Variants in UGP2 observed in about 807,000 individuals in gnomAD.
UGP2 encodes the protein UDP-glucose pyrophosphorylase 2, also known as UTP--glucose-1-phosphate uridylyltransferase.
UGP2 carries 40 observed loss-of-function variants against 49.0 expected under a neutral mutation model. That is an observed-to-expected ratio of 0.82 (90% CI 0.63 to 1.06). UGP2 has a LOEUF of 1.06. UGP2 is among the 50% of genes least tolerant of loss of function. The pLI is 0.00. For synonymous variants in UGP2, 225 were observed against 213.0 expected (o/e 1.06, Z -0.49); for missense variants, 460 against 603.5 (o/e 0.76, Z 2.49).
chr2:63,878,910 C>T (rs1671108022), intron 3 of UGP2, among the ~76,000 whole-genome samples: 1 of 151,414 alleles, frequency 6.6e-6, no homozygotes, highest in Non-Finnish European at 1.5e-5. Flanking sequence ...GCTGATTTAG[C>T]ATGAATACAT....
intron 3 of UGP2, among the ~76,000 whole-genome samples, chr2:63,859,693 T>A (rs575472347): frequency 6.6e-6 from 1 of 152,308 alleles, no homozygotes; most frequent in South Asian, 2.1e-4. Flanking sequence ...AAATATAAAA[T>A]AAATTCTAGA....
chr2:63,884,216 A>T (rs376822626), intron 5 of UGP2, 123 bp downstream of exon 5: 1 of 1,166,696 alleles, frequency 8.6e-7, no homozygotes, highest in Non-Finnish European at 1.2e-6. Flanking sequence ...CAAGTGTTTG[A>T]TGCCCATAAA....
chr2:63,886,360 A>G lies in UGP2; in HGVS notation c.893A>G (p.Tyr298Cys). The G allele has an allele frequency of 3.1e-6, 5 of 1,614,190 alleles. No individual in the cohort carries two copies. In the East Asian group the frequency reaches 6.7e-5, roughly 22 times the overall value. ...TTCTAGGGCGGGACACTCACTCAAT[A>G]TGAAGGCAAACTGAGACTGGTGGAA... ...ADVKGGTLTQYEGKLRLVEIA... is the reference protein window; with the variant it reads ...ADVKGGTLTQCEGKLRLVEIA... The change falls in exon 7 of 10, where the codon TAT becomes TGT. Residue 298 changes from tyrosine (Y) to cysteine (C), a missense_variant. By Grantham distance (194) the Tyr-to-Cys change is radical. Transcript: ENST00000337130.
At chr2:63,853,474 C>T (rs764639128) in intron 1 of UGP2, among the ~76,000 whole-genome samples, 1 of 152,040 alleles carries the variant, frequency 6.6e-6, no homozygotes, top group African/African-American at 2.4e-5. Flanking sequence ...AGATTAAGTG[C>T]GCTCTCCAAT....
intron 3 of UGP2, 25 bp from the exon 4 acceptor site, chr2:63,882,441 T>G (rs749767183): frequency 1.3e-6 from 2 of 1,522,982 alleles, no homozygotes; most frequent in Non-Finnish European, 1.8e-6. Context: ...TTTAAATTAC[T>G]CCTATAATGT....
In UGP2 at chr2:63,886,433, A is replaced by G; in HGVS notation, c.966A>G (p.Ser322=). The part of the protein sequence containing the change: ...KAHVDEFKSV[S]KFKIFNTNNL... ...ATGTAGACGAGTTCAAGTCTGTATC[A>G]AAGTTCAAAATATTTAATACAAACA... The change falls in exon 7 of 10, where the codon TCA becomes TCG. Residue 322 remains serine, a synonymous_variant. Coordinates refer to ENST00000337130, the MANE Select transcript of UGP2 (RefSeq NM_006759.4). 2 of 1,614,214 alleles carry G rather than the reference A, an allele frequency of 1.2e-6. No homozygotes were observed. The highest frequency in any genetic ancestry group is 1.1e-5 in the South Asian group (1 of 91,088).
intron 1 of UGP2, among the ~76,000 whole-genome samples, chr2:63,855,237 G>A (rs1669310274): frequency 6.6e-6 from 1 of 152,118 alleles, no homozygotes; most frequent in Non-Finnish European, 1.5e-5. Flanking sequence ...GAGTATATAA[G>A]GGGAAAGAGT....
Position 63,857,949 on chromosome 2 carries a change from TAAAATGTAGG to T in UGP2, c.255+24_255+33del. On this transcript the variant is annotated intron_variant, in intron 3 of 9. Transcript: ENST00000337130. ...CCCTGAAGATTCGGTAAGTTTTAGATAAAATGTAGGAAAATGTAGGGTAATCTTGGGCACT... is the reference window on the plus strand; with the variant it reads ...CCCTGAAGATTCGGTAAGTTTTAGATAAAATGTAGGGTAATCTTGGGCACT... 2 of 1,611,132 alleles carry T rather than the reference TAAAATGTAGG, an allele frequency of 1.2e-6. No individual in the cohort carries two copies. Among genetic ancestry groups the T allele is most frequent in the Non-Finnish European group, 8.5e-7 (1 of 1,178,158 alleles).
chr2:63,873,475 CATTTT>C (rs1195408344), intron 3 of UGP2, among the ~76,000 whole-genome samples: 2 of 152,048 alleles, frequency 1.3e-5, no homozygotes, highest in Non-Finnish European at 2.9e-5. Context: ...TGTAAGCAAA[CATTTT>C]GTTTTTTTGG....
chr2:63,887,713 G>T lies in UGP2; in HGVS notation c.1314+69G>T. 1.9e-6 allele frequency: 3 copies of T among 1,566,518 alleles called. No homozygotes were observed. The South Asian group carries it at 3.6e-5, about 19-fold the overall frequency. On this transcript the variant is annotated intron_variant, in intron 8 of 9. Transcript: ENST00000337130. Reference sequence around the variant, plus strand: ...GTAATTATAAAGATATGATATACATGTGAATTGGAGACTAATTACAGTCTC... The same window carrying T: ...GTAATTATAAAGATATGATATACATTTGAATTGGAGACTAATTACAGTCTC...
intron 5 of UGP2, 112 bp downstream of exon 5, chr2:63,884,205 A>G (rs757135049): frequency 1.5e-6 from 2 of 1,312,496 alleles, no homozygotes; most frequent in Non-Finnish European, 2.1e-6. Flanking sequence ...ATTGATGTTC[A>G]CAAGTGTTTG....
chr2:63,887,279 A>T (rs571717949), intron 7 of UGP2, 123 bp from the exon 8 acceptor site: 1,366 of 1,023,742 alleles, frequency 1.3e-3, no homozygotes, highest in East Asian at 5.6e-3. Context: ...AAAAAAAAAA[A>T]TTTTTTTTTT....
At chr2:63,842,363 T>C in intron 1 of UGP2, 159 bp downstream of exon 1, 1 of 1,601,890 alleles carries the variant, frequency 6.2e-7, no homozygotes, top group Non-Finnish European at 8.5e-7. Context: ...CTTGAGCTGC[T>C]GGGTTGACGT....
At chr2:63,842,581 G>A in intron 1 of UGP2, 3 of 1,485,996 alleles carry the variant, frequency 2.0e-6, no homozygotes, top group Non-Finnish European at 2.7e-6. Context: ...GGGGAAGCGG[G>A]AGGACTGAGA....
At chr2:63,887,338 A>C (rs147929063) in intron 7 of UGP2, 64 bp from the exon 8 acceptor site, 50 of 1,585,840 alleles carry the variant, frequency 3.2e-5, no homozygotes, top group African/African-American at 5.5e-5. Context: ...ACTAACCTAC[A>C]TGGAACTAAG....
intron 2 of UGP2, chr2:63,856,916 C>T (rs1293050757): frequency 9.4e-6 from 4 of 426,590 alleles, no homozygotes; most frequent in South Asian, 1.7e-5. Flanking sequence ...TCAATTTATA[C>T]TTAATGTTTT....
At chr2:63,886,580 G>C (rs1442490252) in intron 7 of UGP2, 42 bp downstream of exon 7, 2 of 1,606,150 alleles carry the variant, frequency 1.2e-6, no homozygotes, top group African/African-American at 1.3e-5. Context: ...TGGTTCCTAA[G>C]GTCATAGTAG....
chr2:63,866,308 T>C (rs1670182839), intron 3 of UGP2, among the ~76,000 whole-genome samples: 1 of 152,260 alleles, frequency 6.6e-6, no homozygotes, highest in Non-Finnish European at 1.5e-5. Flanking sequence ...GTAGACTTAT[T>C]TGTAAAAAGT....
At chr2:63,849,461 T>A (rs1668899556) in intron 1 of UGP2, among the ~76,000 whole-genome samples, 1 of 152,256 alleles carries the variant, frequency 6.6e-6, no homozygotes, top group African/African-American at 2.4e-5. Context: ...TGGGTTCATT[T>A]GTGCTAATGG....
Sources: allele counts gnomAD v4.1 joint callset (sites outside exome capture counted in the v4.1 genomes callset), GRCh38; gene constraint gnomAD v4.1.1; transcripts MANE v1.5; gene names NCBI Gene and HGNC (gene_info 2026-07-23, HGNC 2026-07-21).